The following AMZ2 variants were observed in gnomAD, a reference collection of about 807,000 sequenced individuals.
The protein encoded by AMZ2 is archaelysin family metallopeptidase 2.
Under a neutral mutation model 36.7 loss-of-function variants are expected in AMZ2, and 26 were observed. That is an observed-to-expected ratio of 0.71 (90% CI 0.52 to 0.98). The LOEUF (loss-of-function observed/expected upper bound fraction) is 0.98. Ranked by LOEUF, AMZ2 falls within the 50% of genes least tolerant of loss-of-function variation. The pLI is 0.00. For synonymous variants in AMZ2, 144 were observed against 149.1 expected, an observed-to-expected ratio of 0.97 and a Z score of 0.25; for missense variants, 394 against 430.5, an observed-to-expected ratio of 0.92 and a Z score of 0.75.
intron 1 of AMZ2, among the ~76,000 whole-genome samples, chr17:68,238,899 C>T (rs2144635739): frequency 6.6e-6 from 1 of 152,288 alleles, no homozygotes; most frequent in Admixed American, 6.5e-5. Context: ...CTGCTAATGG[C>T]CTCTCTCCCT....
intron 1 of AMZ2, among the ~76,000 whole-genome samples, chr17:68,209,257 G>A (rs182440759): frequency 2.7e-5 from 4 of 150,372 alleles, no homozygotes; most frequent in Non-Finnish European, 5.9e-5. Flanking sequence ...GCAATGGCGC[G>A]ATCTTGGCTC....
intron 1 of AMZ2, among the ~76,000 whole-genome samples, chr17:68,221,945 A>T (rs573526158): frequency 1.2e-4 from 19 of 152,326 alleles, no homozygotes; most frequent in Admixed American, 1.2e-3. Flanking sequence ...TATTACAGTA[A>T]TCCCAGTGAG....
chr17:68,207,314 C>CCA (rs1260261069), intron 1 of AMZ2: 3 of 16,140 alleles, frequency 1.9e-4, no homozygotes, highest in African/African-American at 1.5e-3. Flanking sequence ...TTGTTAAATA[C>CCA]CCCCCCCCCA....
chr17:68,223,406 C>T (rs1360482176), intron 1 of AMZ2, among the ~76,000 whole-genome samples: 3 of 152,192 alleles, frequency 2.0e-5, no homozygotes, highest in Non-Finnish European at 1.5e-5. Flanking sequence ...TCTTGCCAGC[C>T]TTACTGTGCT....
chr17:68,207,501 G>A (rs1373690132), intron 1 of AMZ2: 6 of 148,810 alleles, frequency 4.0e-5, no homozygotes, highest in Non-Finnish European at 9.1e-5. Context: ...ATACTTGTGA[G>A]GAAAAAGGAC....
chr17:68,252,762 G>GAGCCTCCCATCTC (rs2074579908), intron 4 of AMZ2, among the ~76,000 whole-genome samples: 1 of 152,162 alleles, frequency 6.6e-6, no homozygotes, highest in African/African-American at 2.4e-5. Flanking sequence ...GGGCTCAAGC[G>GAGCCTCCCATCTC]AGCCTCCCAT....
At chr17:68,207,317 C>G (rs1433770560) in intron 1 of AMZ2, 1 of 130,012 alleles carries the variant, frequency 7.7e-6, no homozygotes, top group African/African-American at 3.2e-5. Flanking sequence ...TTAAATACCC[C>G]CCCCCCACAA....
At chr17:68,221,657 G>A (rs1360978080) in intron 1 of AMZ2, among the ~76,000 whole-genome samples, 1 of 151,456 alleles carries the variant, frequency 6.6e-6, no homozygotes, top group African/African-American at 2.4e-5. Flanking sequence ...GAACCTGAGA[G>A]GCAGAGGTTG....
intron 4 of AMZ2, among the ~76,000 whole-genome samples, chr17:68,254,037 G>C (rs556977181): frequency 6.6e-6 from 1 of 152,068 alleles, no homozygotes; most frequent in Non-Finnish European, 1.5e-5. Flanking sequence ...GAGCCACCAC[G>C]CCCAACCCAT....
At chr17:68,230,012 G>T (rs2144593458) in intron 1 of AMZ2, among the ~76,000 whole-genome samples, 1 of 152,290 alleles carries the variant, frequency 6.6e-6, no homozygotes, top group Non-Finnish European at 1.5e-5. Context: ...CTAAGGCGTA[G>T]CCCTAGAGCT....
chr17:68,208,451 G>A (rs2072912781), intron 1 of AMZ2, among the ~76,000 whole-genome samples: 1 of 152,216 alleles, frequency 6.6e-6, no homozygotes, highest in South Asian at 2.1e-4. Flanking sequence ...ATCTAGTGGG[G>A]AGGTGGAGAA....
At chr17:68,223,192 A>G (rs1431228505) in intron 1 of AMZ2, among the ~76,000 whole-genome samples, 2 of 152,222 alleles carry the variant, frequency 1.3e-5, no homozygotes, top group Non-Finnish European at 2.9e-5. Context: ...TTTCCATCAT[A>G]AAAAGTCAGA....
chr17:68,209,628 A>ATT (rs1322446681), intron 1 of AMZ2, among the ~76,000 whole-genome samples: 5 of 98,530 alleles, frequency 5.1e-5, no homozygotes, highest in African/African-American at 2.0e-4. Flanking sequence ...ATATATATAT[A>ATT]TATATTTTTT....
At chr17:68,247,239 G>A (rs1392980322), upstream of AMZ2, 1 of 150,720 alleles carries the variant, frequency 6.6e-6, no homozygotes, top group Admixed American at 6.6e-5. Context: ...GGGAGGCTGA[G>A]GCGGGAAAAT....
At chr17:68,209,633 T>TA (rs1555725395) in intron 1 of AMZ2, among the ~76,000 whole-genome samples, 3,495 of 78,520 alleles carry the variant, frequency 0.045, 75 homozygotes, top group Non-Finnish European at 0.062. Context: ...TATATATATA[T>TA]TTTTTTTTTT....
upstream of AMZ2, chr17:68,247,643 G>A (rs1320234025): frequency 1.0e-6 from 1 of 985,336 alleles, no homozygotes; most frequent in East Asian, 1.1e-4. Context: ...AACCTGCGGC[G>A]GCCGCCGACT....
At chr17:68,239,368 CT>C (rs1291737442) in intron 1 of AMZ2, among the ~76,000 whole-genome samples, 3 of 152,190 alleles carry the variant, frequency 2.0e-5, no homozygotes, top group Non-Finnish European at 4.4e-5. Context: ...CTCCTGCTTC[CT>C]GACCAATCAG....
At chr17:68,237,427 T>C (rs1426644672) in intron 1 of AMZ2, among the ~76,000 whole-genome samples, 1 of 152,072 alleles carries the variant, frequency 6.6e-6, no homozygotes, top group Non-Finnish European at 1.5e-5. Context: ...CACAAGAATA[T>C]ATGGTTTTAA....
intron 1 of AMZ2, among the ~76,000 whole-genome samples, chr17:68,236,242 G>A (rs1233966007): frequency 6.6e-6 from 1 of 151,982 alleles, no homozygotes; most frequent in Non-Finnish European, 1.5e-5. Flanking sequence ...AAATTTATAT[G>A]CACATTATAT....
Sources: allele counts gnomAD v4.1 joint callset (sites outside exome capture counted in the v4.1 genomes callset), GRCh38; gene constraint gnomAD v4.1.1; transcripts MANE v1.5; gene names NCBI Gene and HGNC (gene_info 2026-07-23, HGNC 2026-07-21).